The following SYNPR variants were observed in gnomAD, a reference collection of about 807,000 sequenced individuals.
SYNPR encodes synaptoporin.
A neutral mutation model predicts 32.9 loss-of-function variants in SYNPR; 23 were observed. That is an observed-to-expected ratio of 0.70 (90% CI 0.50 to 0.99). The LOEUF (loss-of-function observed/expected upper bound fraction) is 0.99, where lower values mean the gene tolerates loss of function less well. Among genes scored for constraint, SYNPR ranks in the 50% least tolerant of loss-of-function variants. The pLI, the probability that SYNPR is intolerant of heterozygous loss-of-function variation, is 0.00. For synonymous variants in SYNPR, 146 were observed against 135.9 expected (o/e 1.07, Z -0.52); for missense variants, 318 against 349.3 (o/e 0.91, Z 0.71).
At chr3:63,262,422 T>C (rs540483112) in intron 2 of SYNPR, among the ~76,000 whole-genome samples, 15 of 152,282 alleles carry the variant, frequency 9.9e-5, no homozygotes, top group Admixed American at 3.3e-4. Flanking sequence ...GAGGAAGTTA[T>C]CTAGTGGCTT....
chr3:63,556,668 A>T lies in SYNPR; in HGVS notation c.335A>T (p.Tyr112Phe). 1 of 1,613,464 alleles carries T rather than the reference A, an allele frequency of 6.2e-7. No individual in the cohort carries two copies. The stretch of plus-strand genomic sequence containing the variant: ...ACTGTTGCTGTCTTCGCCTTCCTCT[A>T]CTCTTTGGCTGCCACTGTCGTTTAC... ...FVTVAVFAFL[Y>F]SLAATVVYIF... is the part of the protein sequence containing the mutation. The change falls in exon 4 of 6, where the codon TAC becomes TTC. Residue 112 changes from tyrosine to phenylalanine, a missense_variant. Tyr to Phe is a conservative substitution (Grantham distance 22, BLOSUM62 3). Coordinates refer to ENST00000478300, the MANE Select transcript of SYNPR (RefSeq NM_001130003.2).
chr3:63,548,089 A>G (rs1002406661), intron 3 of SYNPR, among the ~76,000 whole-genome samples: 3 of 152,146 alleles, frequency 2.0e-5, no homozygotes, highest in Non-Finnish European at 4.4e-5. Context: ...CTTCCAGATA[A>G]TCTGCACTCT....
upstream of SYNPR, among the ~76,000 whole-genome samples, chr3:63,273,583 C>A (rs566298249): frequency 1.3e-5 from 2 of 152,024 alleles, no homozygotes; most frequent in South Asian, 4.2e-4. Flanking sequence ...TGTATTCAAG[C>A]CTAACATAAC....
chr3:63,577,947 G>A (rs1218322351), intron 4 of SYNPR, among the ~76,000 whole-genome samples: 3 of 152,242 alleles, frequency 2.0e-5, no homozygotes, highest in South Asian at 4.1e-4. Flanking sequence ...TTATTACGAG[G>A]TAATGGCAAC....
At chr3:63,476,555 G>T (rs1700930469) in intron 2 of SYNPR, among the ~76,000 whole-genome samples, 1 of 152,136 alleles carries the variant, frequency 6.6e-6, no homozygotes, top group African/African-American at 2.4e-5. Context: ...GCATTTCTGG[G>T]TGAAGAAGAC....
chr3:63,260,146 C>T (rs1485690960), intron 2 of SYNPR, among the ~76,000 whole-genome samples: 2 of 152,124 alleles, frequency 1.3e-5, no homozygotes, highest in African/African-American at 4.8e-5. Context: ...CCATACTGCC[C>T]AAGGTAATTT....
chr3:63,479,983 G>A (rs1226013770), intron 2 of SYNPR, among the ~76,000 whole-genome samples: 1 of 152,206 alleles, frequency 6.6e-6, no homozygotes, highest in East Asian at 1.9e-4. Flanking sequence ...AGGTGCATTT[G>A]ATCGACTTCC....
At chr3:63,554,816 T>G (rs1702566644) in intron 3 of SYNPR, among the ~76,000 whole-genome samples, 2 of 152,212 alleles carry the variant, frequency 1.3e-5, no homozygotes, top group Admixed American at 1.3e-4. Context: ...TAGGGCTATT[T>G]TAGTGATACT....
At chr3:63,556,861 C>T (rs914473722) in intron 4 of SYNPR, 120 bp downstream of exon 4, 12 of 961,546 alleles carry the variant, frequency 1.2e-5, no homozygotes, top group African/African-American at 3.3e-5. Context: ...AAATCACATT[C>T]TTTTTTATCC....
At chr3:63,495,525 T>C (rs1701354205) in intron 3 of SYNPR, among the ~76,000 whole-genome samples, 1 of 152,180 alleles carries the variant, frequency 6.6e-6, no homozygotes, top group Non-Finnish European at 1.5e-5. Context: ...TTGGCATCTT[T>C]AGAAATTAGC....
At chr3:63,498,457 G>A (rs892851100) in intron 3 of SYNPR, among the ~76,000 whole-genome samples, 1 of 152,104 alleles carries the variant, frequency 6.6e-6, no homozygotes, top group East Asian at 1.9e-4. Flanking sequence ...CCAAGACTGT[G>A]TCAGATTAAA....
At chr3:63,437,285 T>C (rs539329417) in intron 2 of SYNPR, among the ~76,000 whole-genome samples, 44 of 152,312 alleles carry the variant, frequency 2.9e-4, no homozygotes, top group African/African-American at 9.4e-4. Flanking sequence ...TCATCCTTAT[T>C]ATTGTTAGAT....
intron 2 of SYNPR, among the ~76,000 whole-genome samples, chr3:63,315,721 G>A (rs528595241): frequency 6.6e-6 from 1 of 152,050 alleles, no homozygotes; most frequent in East Asian, 1.9e-4. Flanking sequence ...AGCTTTGAAT[G>A]CCCTTTATTT....
intron 4 of SYNPR, among the ~76,000 whole-genome samples, chr3:63,606,005 A>G (rs558080285): frequency 6.6e-6 from 1 of 152,290 alleles, no homozygotes; most frequent in South Asian, 2.1e-4. Flanking sequence ...GTCACTCACT[A>G]TTTACCAGGC....
At chr3:63,529,571 A>G (rs1002519704) in intron 3 of SYNPR, among the ~76,000 whole-genome samples, 3 of 152,352 alleles carry the variant, frequency 2.0e-5, no homozygotes, top group African/African-American at 7.2e-5. Context: ...TTGAACCTGA[A>G]AAGTTAAGAG....
chr3:63,417,950 G>C (rs768956783), intron 2 of SYNPR, among the ~76,000 whole-genome samples: 3 of 152,208 alleles, frequency 2.0e-5, no homozygotes, highest in Non-Finnish European at 4.4e-5. Context: ...TTTCTACACT[G>C]TCTTGGTGAT....
intron 2 of SYNPR, among the ~76,000 whole-genome samples, chr3:63,442,212 G>GGAGA (rs146072459): frequency 0.3 from 31,736 of 106,250 alleles, 3,854 homozygotes; most frequent in African/African-American, 0.45. Flanking sequence ...AGAGAGAGAA[G>GGAGA]GAGACAGAGA....
intron 1 of SYNPR, 53 bp downstream of exon 1, chr3:63,278,604 C>T (rs2086598451): frequency 1.3e-6 from 2 of 1,550,532 alleles, no homozygotes; most frequent in Admixed American, 2.0e-5. Flanking sequence ...CGGGGGATGC[C>T]GCGGCTTGGG....
chr3:63,541,716 A>C (rs1702307453), intron 3 of SYNPR, among the ~76,000 whole-genome samples: 1 of 152,164 alleles, frequency 6.6e-6, no homozygotes, highest in Admixed American at 6.6e-5. Context: ...GAATATTGGC[A>C]TAGGCTGCCC....
Sources: allele counts gnomAD v4.1 joint callset (sites outside exome capture counted in the v4.1 genomes callset), GRCh38; gene constraint gnomAD v4.1.1; transcripts MANE v1.5; gene names NCBI Gene and HGNC (gene_info 2026-07-23, HGNC 2026-07-21).